The following CLRN1 variants were observed in gnomAD, a reference collection of about 807,000 sequenced individuals.
CLRN1 encodes clarin 1.
Under a neutral mutation model 18.7 loss-of-function variants are expected in CLRN1, and 15 were observed. That is an observed-to-expected ratio of 0.80 (90% CI 0.54 to 1.23). The LOEUF is 1.23. CLRN1 is among the 50% of genes most tolerant of loss of function. The pLI is 0.00. For synonymous variants in CLRN1, 104 were observed against 102.9 expected, an observed-to-expected ratio of 1.01 and a Z score of -0.07; for missense variants, 311 against 277.5, an observed-to-expected ratio of 1.12 and a Z score of -0.86.
chr3:150,958,279 T>C (rs1576642310), intron 1 of CLRN1, among the ~76,000 whole-genome samples: 1 of 152,256 alleles, frequency 6.6e-6, no homozygotes, highest in Non-Finnish European at 1.5e-5. Context: ...GTTTCTGTTT[T>C]GAATATTTTG....
chr3:150,946,837 G>T (rs1341469162), intron 1 of CLRN1, among the ~76,000 whole-genome samples: 2 of 150,074 alleles, frequency 1.3e-5, no homozygotes, highest in Non-Finnish European at 3.0e-5. Flanking sequence ...ATGCTGGTGC[G>T]CTGCACCCAC....
chr3:150,945,633 C>T lies in CLRN1; in HGVS notation c.254-3872G>A, dbSNP rs924928192. On this transcript the variant is annotated intron_variant, in intron 1 of 2. Transcript: ENST00000327047. ...CAGTGTCCTCACTCAGGAGTCATGG[C>T]CAGGTCATTTGACTGCTGATGTTTA... 9 of 1,285,756 alleles carry T rather than the reference C, an allele frequency of 7.0e-6. No homozygotes were observed. In the Admixed American group the frequency reaches 1.2e-4, roughly 16 times the overall value. The allele number at this position is 1,285,756 out of a possible 1,614,324, so 79.6% of individuals were successfully genotyped here. A position where few individuals can be genotyped will look rare whatever the true frequency, so the allele number is the denominator to read the frequency against.
At chr3:150,963,170 G>C (rs755283183) in intron 1 of CLRN1, among the ~76,000 whole-genome samples, 1 of 152,130 alleles carries the variant, frequency 6.6e-6, no homozygotes. Flanking sequence ...AAACCCTGTC[G>C]TCTCAGCCCA....
At chr3:150,961,002 G>A (rs1306258082) in intron 1 of CLRN1, among the ~76,000 whole-genome samples, 1 of 152,230 alleles carries the variant, frequency 6.6e-6, no homozygotes, top group African/African-American at 2.4e-5. Flanking sequence ...AGAGCCAAGT[G>A]TGCTCAGTTT....
At position 150,972,562 on chromosome 3, in the gene CLRN1, G is replaced by A. The variant is rs1452780065; in HGVS notation, c.147C>T (p.Ala49=). ...TAAACTTGTCCAGCTCCTGCCCTGA[G>A]GCATTGACGAGCAGAGCTCCCGTTT... ...LCKTGALLVN[A]SGQELDKFMG... The change falls in exon 1 of 3, where the codon GCC becomes GCT. Residue 49 remains alanine (A), a synonymous_variant. Coordinates refer to ENST00000327047, the MANE Select transcript of CLRN1 (RefSeq NM_174878.3). 6.2e-7 allele frequency: 1 copy of A among 1,614,172 alleles called. No individual in the cohort carries two copies. The highest frequency in any genetic ancestry group is 8.5e-7 in the Non-Finnish European group (1 of 1,179,978).
At chr3:150,942,324 T>A (rs1713903930) in intron 1 of CLRN1, among the ~76,000 whole-genome samples, 1 of 152,230 alleles carries the variant, frequency 6.6e-6, no homozygotes, top group African/African-American at 2.4e-5. Flanking sequence ...CGGGAAATAT[T>A]TCAATGTAGA....
chr3:150,951,165 G>A (rs74324434), intron 1 of CLRN1, among the ~76,000 whole-genome samples: 18,084 of 152,074 alleles, frequency 0.12, 1,163 homozygotes, highest in African/African-American at 0.14. Flanking sequence ...GGGAGGAGGG[G>A]GAGGAGCAGG....
intron 2 of CLRN1, among the ~76,000 whole-genome samples, chr3:150,937,663 G>A (rs1713572468): frequency 6.6e-6 from 1 of 152,208 alleles, no homozygotes; most frequent in African/African-American, 2.4e-5. Flanking sequence ...AGATGAGAAA[G>A]AGCAAATTGG....
At chr3:150,940,394 G>T in intron 2 of CLRN1, 1 of 1,286,098 alleles carries the variant, frequency 7.8e-7, no homozygotes, top group Non-Finnish European at 1.0e-6. Context: ...ACAGGCCTTT[G>T]TTTTATAGAG....
At chr3:150,949,089 C>T (rs111389829) in intron 1 of CLRN1, among the ~76,000 whole-genome samples, 19,108 of 152,142 alleles carry the variant, frequency 0.13, 1,337 homozygotes, top group African/African-American at 0.17. Context: ...ATCACATAAA[C>T]AGAACTAAAG....
Position 150,934,051 on chromosome 3 carries a change from T to G in CLRN1, c.434-5850A>C, listed in dbSNP as rs1024693589. On this transcript the variant is annotated intron_variant, in intron 2 of 2. Transcript: ENST00000327047. ...GACTGGACATCCCTGTGTCTCTTTC[T>G]CGAACTCCTGAAAAACAGCTCCTTC... Among the ~76,000 whole-genome samples the G allele has an allele frequency of 2.0e-5, 3 of 152,300 alleles. No homozygotes were observed. The South Asian group carries it at 6.2e-4, about 32-fold the overall frequency.
At chr3:150,972,855 G>T (rs536632400), upstream of CLRN1, 7 of 1,126,456 alleles carry the variant, frequency 6.2e-6, no homozygotes, top group African/African-American at 6.2e-5. Flanking sequence ...GACGGTTCTC[G>T]CCAGGTTAAA....
intron 2 of CLRN1, among the ~76,000 whole-genome samples, chr3:150,929,705 G>T (rs1713037486): frequency 6.6e-6 from 1 of 152,124 alleles, no homozygotes; most frequent in African/African-American, 2.4e-5. Context: ...ATAATAGCTT[G>T]ATTTAGGTCA....
At chr3:150,951,681 C>CA (rs1215888207) in intron 1 of CLRN1, among the ~76,000 whole-genome samples, 5 of 152,134 alleles carry the variant, frequency 3.3e-5, no homozygotes, top group African/African-American at 1.2e-4. Flanking sequence ...AATTGGCTCA[C>CA]AGTTCTCCAG....
chr3:150,934,352 G>C (rs954242109), intron 2 of CLRN1, among the ~76,000 whole-genome samples: 2 of 152,070 alleles, frequency 1.3e-5, no homozygotes, highest in Non-Finnish European at 2.9e-5. Flanking sequence ...TGCCCTGCTT[G>C]GCATAACTCA....
chr3:150,962,659 C>T (rs1358907941), intron 1 of CLRN1, among the ~76,000 whole-genome samples: 1 of 152,084 alleles, frequency 6.6e-6, no homozygotes, highest in Non-Finnish European at 1.5e-5. Context: ...TTGCTGTGGT[C>T]AAAGTAGCTA....
chr3:150,944,168 A>T (rs963715602), intron 1 of CLRN1: 3 of 390,944 alleles, frequency 7.7e-6, no homozygotes, highest in Non-Finnish European at 1.5e-5. Flanking sequence ...AGAACTTTCC[A>T]GGGAAAAGAA....
At chr3:150,952,917 A>G (rs1233517564) in intron 1 of CLRN1, among the ~76,000 whole-genome samples, 1 of 152,140 alleles carries the variant, frequency 6.6e-6, no homozygotes, top group Non-Finnish European at 1.5e-5. Flanking sequence ...TGCTTGCTAT[A>G]TTTACACTTT....
intron 1 of CLRN1, among the ~76,000 whole-genome samples, chr3:150,968,114 T>A (rs1715350639): frequency 6.6e-6 from 1 of 152,198 alleles, no homozygotes. Context: ...CATATGTTTT[T>A]GCCAGCTCAT....
Sources: allele counts gnomAD v4.1 joint callset (sites outside exome capture counted in the v4.1 genomes callset), GRCh38; gene constraint gnomAD v4.1.1; transcripts MANE v1.5; gene names NCBI Gene and HGNC (gene_info 2026-07-23, HGNC 2026-07-21).